The following SCN3A variants were observed in gnomAD, a reference collection of about 807,000 sequenced individuals.
SCN3A encodes the protein sodium channel protein type 3 subunit alpha.
SCN3A carries 60 observed loss-of-function variants against 187.6 expected under a neutral mutation model. The observed-to-expected ratio is 0.32, with a 90% CI of 0.26 to 0.40. SCN3A has a LOEUF of 0.40. Ranked by LOEUF, SCN3A falls within the 10% of genes least tolerant of loss-of-function variation. The pLI, the probability that SCN3A is intolerant of heterozygous loss-of-function variation, is 1.00. For missense variants in SCN3A, 1,601 were observed against 2,428.2 expected (o/e 0.66, Z 7.16); for synonymous variants, 788 against 829.2 (o/e 0.95, Z 0.85).
intron 1 of SCN3A, among the ~76,000 whole-genome samples, chr2:165,193,883 C>T (rs920005261): frequency 6.6e-6 from 1 of 152,106 alleles, no homozygotes; most frequent in Non-Finnish European, 1.5e-5. Context: ...TGGTAAACCA[C>T]ACTGGAGCAC....
intron 9 of SCN3A, among the ~76,000 whole-genome samples, chr2:165,161,201 G>A (rs756977760): frequency 8.1e-6 from 1 of 124,126 alleles, no homozygotes; most frequent in Non-Finnish European, 1.6e-5. Flanking sequence ...TGCTTAGGCT[G>A]GTACATACAA....
chr2:165,122,636 T>C (rs1559202144), intron 18 of SCN3A, among the ~76,000 whole-genome samples: 1 of 152,204 alleles, frequency 6.6e-6, no homozygotes, highest in Non-Finnish European at 1.5e-5. Context: ...TTAAATATGA[T>C]GTTGGGATTG....
chr2:165,097,231 A>C (rs764307063), intron 23 of SCN3A, 21 bp downstream of exon 23: 1 of 1,613,668 alleles, frequency 6.2e-7, no homozygotes, highest in South Asian at 1.1e-5. Context: ...CTTTTTCAAA[A>C]CTCGTACAGT....
intron 2 of SCN3A, among the ~76,000 whole-genome samples, chr2:165,184,991 A>G (rs1307676328): frequency 6.6e-6 from 1 of 152,098 alleles, no homozygotes; most frequent in Non-Finnish European, 1.5e-5. Flanking sequence ...ATGATTGCCA[A>G]CATGTGTTAA....
chr2:165,090,236 C>T lies in SCN3A; in HGVS notation c.5917G>A (p.Val1973Ile). 1.9e-6 allele frequency: 3 copies of T among 1,610,262 alleles called. No individual in the cohort carries two copies. The highest frequency in any genetic ancestry group is 2.5e-6 in the Non-Finnish European group (3 of 1,177,582). The change falls in exon 28 of 28, where the codon GTA becomes ATA. Residue 1973 changes from valine to isoleucine, a missense_variant. Val to Ile is a conservative substitution (Grantham distance 29). Around this residue, in one of 11 missense-constraint regions of SCN3A, gnomAD observed 87 missense variants for 89.2 expected, o/e 0.98. Coordinates refer to ENST00000283254, the MANE Select transcript of SCN3A (RefSeq NM_006922.4). The surrounding 1 kb of genome is among the most constrained non-coding windows in gnomAD (Gnocchi z 4.0). ...AACTTTTCCTTGTCTGGTTTTGTTA[C>T]ACTATCATAGGAAGGAGGAGAGGTG... ...STTSPPSYDS[V>I]TKPDKEKFEK...
At position 165,131,758 on chromosome 2, in the gene SCN3A, G is replaced by A. The variant is rs1432944977; in HGVS notation, c.2392-341C>T. On this transcript the variant is annotated intron_variant, in intron 15 of 27. Transcript: ENST00000283254. ...TAATGCTATCCCTCCCCCCTCCCCC[G>A]ACCCCACAACAGTCCCCAGAGTGTG... Among the ~76,000 whole-genome samples, 18 of 77,728 alleles carry A rather than the reference G, an allele frequency of 2.3e-4. No individual in the cohort carries two copies. In the Admixed American group the frequency reaches 3.3e-3, roughly 14 times the overall value. The allele number at this position is 77,728 out of a possible 152,430, so 51.0% of individuals were successfully genotyped here. A position where few individuals can be genotyped will look rare whatever the true frequency, so the allele number is the denominator to read the frequency against.
chr2:165,181,440 C>CATAA (rs1257248253), intron 2 of SCN3A, among the ~76,000 whole-genome samples: 5 of 152,282 alleles, frequency 3.3e-5, no homozygotes, highest in Non-Finnish European at 7.4e-5. Context: ...TGAAGGTCTT[C>CATAA]CAGATTTTGA....
At position 165,127,724 on chromosome 2, in the gene SCN3A, G is replaced by A. The variant is rs200804723; in HGVS notation, c.3300C>T (p.Thr1100=). 2.8e-5 allele frequency: 46 copies of A among 1,614,104 alleles called. No homozygotes were observed. The highest frequency in any genetic ancestry group is 1.0e-4 in the Admixed American group (6 of 60,010). The change falls in exon 18 of 28, where the codon ACC becomes ACT. Residue 1100 remains threonine (T), a synonymous_variant. Transcript: ENST00000283254. ...CTCCAACAGCAATTGGCACTGTGAC[G>A]GTGAGGCTGGGGTTGTTTATGAATG... The part of the protein sequence containing the change: ...YMSFINNPSL[T]VTVPIAVGES...
At chr2:165,198,397 A>G (rs926746403) in intron 1 of SCN3A, among the ~76,000 whole-genome samples, 8 of 151,954 alleles carry the variant, frequency 5.3e-5, no homozygotes, top group African/African-American at 1.4e-4. Flanking sequence ...ATTTTCCCCA[A>G]CTGGCGAAAA....
At position 165,154,569 on chromosome 2, in the gene SCN3A, A is replaced by G. The variant is rs1432759740; in HGVS notation, c.1263T>C (p.Ala421=). ...GCTCCTCATAGGCCATGGCCACCAC[A>G]GCCAGGATCAAATTCACCAAATAAA... is the stretch of plus-strand genomic sequence containing the variant. The part of the protein sequence containing the change: ...GSFYLVNLIL[A]VVAMAYEEQN... Residue 421 remains alanine, a synonymous_variant, in exon 11 of 28, where the codon GCT becomes GCC. Transcript: ENST00000283254. The G allele has an allele frequency of 6.2e-7, 1 of 1,614,162 alleles. No individual in the cohort carries two copies. The highest frequency in any genetic ancestry group is 1.3e-5 in the African/African-American group (1 of 75,024).
At chr2:165,168,674 C>G (rs1047002203) in intron 5 of SCN3A, 62 bp downstream of exon 5, 160 of 1,135,206 alleles carry the variant, frequency 1.4e-4, no homozygotes, top group Non-Finnish European at 2.0e-4. Flanking sequence ...GCTATACCCA[C>G]AAGGAGATTG....
rs1688393904 is a variant in SCN3A at position 165,147,027 on chromosome 2, T to A, written c.1383A>T (p.Ala461=). The stretch of plus-strand genomic sequence containing the variant: ...TTGAAGCAGCTGATGCTGCCGCAAC[T>A]GCCTGTCATAAAACAAAGCCAGGCA... ...QLKKQQEEAQ[A]VAAASAASRD... The change falls in exon 12 of 28, where the codon GCA becomes GCT. Residue 461 remains alanine (A), a splice_region_variant and synonymous_variant. Transcript: ENST00000283254. 6.2e-7 allele frequency: 1 copy of A among 1,614,006 alleles called. No individual in the cohort carries two copies. Among genetic ancestry groups the A allele is most frequent in the Non-Finnish European group, 8.5e-7 (1 of 1,179,910 alleles).
At chr2:165,110,136 C>G (rs1686048942) in intron 21 of SCN3A, among the ~76,000 whole-genome samples, 1 of 152,134 alleles carries the variant, frequency 6.6e-6, no homozygotes, top group Admixed American at 6.6e-5. Flanking sequence ...TGTTTTATTT[C>G]ATAGCAGTGA....
At chr2:165,131,099 A>G in intron 16 of SCN3A, 145 bp downstream of exon 16, 2 of 402,466 alleles carry the variant, frequency 5.0e-6, no homozygotes, top group Non-Finnish European at 8.0e-6. Flanking sequence ...GTTTAGCTTT[A>G]AAGAGGATGT....
At chr2:165,110,919 C>T (rs567938280) in intron 21 of SCN3A, among the ~76,000 whole-genome samples, 78 of 152,300 alleles carry the variant, frequency 5.1e-4, no homozygotes, top group African/African-American at 1.9e-3. Flanking sequence ...CCTCCAACCT[C>T]AAGAGATTTT....
chr2:165,142,999 G>A (rs539697300), intron 12 of SCN3A, among the ~76,000 whole-genome samples: 2 of 151,984 alleles, frequency 1.3e-5, no homozygotes, highest in African/African-American at 2.4e-5. Flanking sequence ...TGATCTGCCC[G>A]CCCTGGCCTC....
intron 11 of SCN3A, among the ~76,000 whole-genome samples, chr2:165,150,439 A>T (rs561784281): frequency 1.3e-5 from 2 of 152,198 alleles, no homozygotes; most frequent in African/African-American, 4.8e-5. Context: ...TTTACTAGTC[A>T]TCATTACTTG....
intron 18 of SCN3A, among the ~76,000 whole-genome samples, chr2:165,126,968 T>C (rs1480076236): frequency 2.0e-5 from 3 of 152,124 alleles, no homozygotes; most frequent in African/African-American, 4.8e-5. Context: ...CAAAACCTAA[T>C]ATAGAGAGTA....
At chr2:165,186,858 C>T (rs939726080) in intron 1 of SCN3A, 111 bp from the exon 2 acceptor site, 5 of 151,792 alleles carry the variant, frequency 3.3e-5, no homozygotes, top group Admixed American at 1.3e-4. Context: ...GGCCCTGGAT[C>T]GAGAAAGCAA....
Sources: allele counts gnomAD v4.1 joint callset (sites outside exome capture counted in the v4.1 genomes callset), GRCh38; gene constraint gnomAD v4.1.1; regional missense constraint gnomAD v4.1.1; non-coding constraint Gnocchi (gnomAD v3.1); transcripts MANE v1.5; gene names NCBI Gene and HGNC (gene_info 2026-07-23, HGNC 2026-07-21).